The following RTL4 variants were observed in gnomAD, a reference collection of about 807,000 sequenced individuals.
The protein encoded by RTL4 is retrotransposon Gag-like protein 4.
A neutral mutation model predicts 5.3 loss-of-function variants in RTL4; 4 were observed. The ratio of observed to expected loss-of-function variants is 0.75; its 90% confidence interval spans 0.37 to 1.72. The LOEUF (loss-of-function observed/expected upper bound fraction) is 1.72. Ranked by LOEUF, RTL4 falls within the 40% of genes most tolerant of loss-of-function variation. RTL4 has a pLI of 0.04. For missense variants in RTL4, 260 were observed against 227.1 expected, an observed-to-expected ratio of 1.14 and a Z score of -0.93; for synonymous variants, 98 against 87.3, an observed-to-expected ratio of 1.12 and a Z score of -0.68.
At chrX:112,210,562 A>G in the RTL4 span, among the ~76,000 whole-genome samples, 1 of 112,414 alleles carries the variant, frequency 8.9e-6, no homozygotes, top group Non-Finnish European at 1.9e-5. Context: ...TGCAAAATTC[A>G]GGTTGATTAC....
the RTL4 span, among the ~76,000 whole-genome samples, chrX:112,408,852 C>T: frequency 4.5e-5 from 5 of 112,152 alleles, no homozygotes; most frequent in Non-Finnish European, 7.5e-5. Context: ...GAAACCTTTC[C>T]GTGGAGAAAG....
the RTL4 span, among the ~76,000 whole-genome samples, chrX:112,419,635 A>ATATGTATATATATATATAT: frequency 1.0e-5 from 1 of 96,184 alleles, no homozygotes; most frequent in African/African-American, 4.0e-5. Context: ...TTAAGTATGT[A>ATATGTATATATATATATAT]AATCTGACTC....
the RTL4 span, among the ~76,000 whole-genome samples, chrX:112,104,946 A>G: frequency 8.9e-6 from 1 of 111,734 alleles, no homozygotes; most frequent in Non-Finnish European, 1.9e-5. Context: ...TTTTGGATTT[A>G]TATCTAACAA....
chrX:112,367,169 G>A, the RTL4 span, among the ~76,000 whole-genome samples: 5 of 111,049 alleles, frequency 4.5e-5, no homozygotes, highest in Admixed American at 9.6e-5. Flanking sequence ...TAACATAATT[G>A]GCCACTTCCT....
At chrX:112,223,975 G>A in the RTL4 span, among the ~76,000 whole-genome samples, 1 of 111,714 alleles carries the variant, frequency 9.0e-6, no homozygotes, top group African/African-American at 3.3e-5. Context: ...CTGGTCAACT[G>A]GTTCAATTTC....
the RTL4 span, among the ~76,000 whole-genome samples, chrX:112,117,878 G>T: frequency 9.0e-6 from 1 of 111,544 alleles, no homozygotes; most frequent in Admixed American, 9.5e-5. Context: ...TAATGTACAG[G>T]TATATTAATC....
chrX:112,089,658 G>A, the RTL4 span, among the ~76,000 whole-genome samples: 2 of 111,547 alleles, frequency 1.8e-5, no homozygotes, highest in Non-Finnish European at 3.8e-5. Context: ...TTTGAATTAA[G>A]TTTTGAAAAT....
At chrX:112,311,037 T>A in the RTL4 span, among the ~76,000 whole-genome samples, 2 of 107,053 alleles carry the variant, frequency 1.9e-5, no homozygotes, top group African/African-American at 6.8e-5. Context: ...AGATGAAGTT[T>A]AAGAAGCACT....
At chrX:112,371,726 T>C in the RTL4 span, among the ~76,000 whole-genome samples, 7 of 111,851 alleles carry the variant, frequency 6.3e-5, no homozygotes, top group Admixed American at 1.9e-4. Flanking sequence ...GTATAATAAT[T>C]CTCATGTCCA....
the RTL4 span, among the ~76,000 whole-genome samples, chrX:112,254,008 G>A: frequency 8.9e-6 from 1 of 111,947 alleles, no homozygotes; most frequent in South Asian, 3.7e-4. Flanking sequence ...TTAGAGTGAA[G>A]CCCCTTCTCT....
At chrX:112,439,360 C>G in the RTL4 span, among the ~76,000 whole-genome samples, 1 of 111,897 alleles carries the variant, frequency 8.9e-6, no homozygotes, top group Non-Finnish European at 1.9e-5. Context: ...TCTCAGTCCT[C>G]ACTCTCTCTG....
the RTL4 span, among the ~76,000 whole-genome samples, chrX:112,169,026 C>CTCTTTCTTTCTTTCTT: frequency 8.6e-3 from 420 of 49,030 alleles, 41 homozygotes; most frequent in African/African-American, 0.019. Flanking sequence ...CTTTCTCTTT[C>CTCTTTCTTTCTTTCTT]TCTTTCTTTC....
the RTL4 span, among the ~76,000 whole-genome samples, chrX:112,166,550 A>G: frequency 8.9e-6 from 1 of 112,063 alleles, no homozygotes; most frequent in East Asian, 2.8e-4. Flanking sequence ...AGGGGTAAAG[A>G]TGGATGTTTG....
the RTL4 span, among the ~76,000 whole-genome samples, chrX:112,280,040 G>A: frequency 8.1e-5 from 9 of 111,246 alleles, no homozygotes; most frequent in Non-Finnish European, 1.5e-4. Context: ...GTATGTTTTT[G>A]GTGGGTAGGG....
the RTL4 span, among the ~76,000 whole-genome samples, chrX:112,432,961 T>G: frequency 2.7e-5 from 3 of 110,614 alleles, no homozygotes; most frequent in Non-Finnish European, 5.7e-5. Context: ...GCTAGCCAGT[T>G]TTCCCAGCAC....
chrX:112,158,522 A>G, the RTL4 span, among the ~76,000 whole-genome samples: 1 of 109,609 alleles, frequency 9.1e-6, no homozygotes, highest in African/African-American at 3.3e-5. Flanking sequence ...ATATGTGCAC[A>G]TACATACACA....
chrX:112,356,028 C>A, the RTL4 span, among the ~76,000 whole-genome samples: 1 of 111,609 alleles, frequency 9.0e-6, no homozygotes, highest in East Asian at 2.8e-4. Flanking sequence ...GGAAGGTGCC[C>A]ATCAAATGAG....
exon 1 of RTL4, chrX:112,456,609 G>T (rs1394476264): frequency 2.6e-5 from 7 of 273,803 alleles, no homozygotes; most frequent in Non-Finnish European, 4.7e-5. Context: ...CAAGGGACCT[G>T]GCCAAATAAA....
the RTL4 span, among the ~76,000 whole-genome samples, chrX:112,335,735 A>G: frequency 1.8e-5 from 2 of 110,314 alleles, no homozygotes; most frequent in Non-Finnish European, 3.8e-5. Flanking sequence ...TTTTATTCCA[A>G]CTCATTAATT....
Sources: allele counts gnomAD v4.1 joint callset (sites outside exome capture counted in the v4.1 genomes callset), GRCh38; gene constraint gnomAD v4.1.1; transcripts MANE v1.5; gene names NCBI Gene and HGNC (gene_info 2026-07-23, HGNC 2026-07-21).